Variants in NALF1 observed in about 807,000 individuals in gnomAD.
NALF1 encodes NALCN channel auxiliary factor 1.
Under a neutral mutation model 48.4 loss-of-function variants are expected in NALF1, and 3 were observed. The observed-to-expected ratio is 0.06, with a 90% CI of 0.03 to 0.16. The LOEUF is 0.16. NALF1 is among the 10% of genes least tolerant of loss of function. NALF1 has a pLI of 1.00. For synonymous variants in NALF1, 262 were observed against 245.7 expected (o/e 1.07, Z -0.62); for missense variants, 526 against 571.5 (o/e 0.92, Z 0.81).
intron 1 of NALF1, among the ~76,000 whole-genome samples, chr13:107,695,842 A>G (rs1881687770): frequency 6.6e-6 from 1 of 152,108 alleles, no homozygotes; most frequent in African/African-American, 2.4e-5. Flanking sequence ...ATTTTGTCCA[A>G]TGAATTAGTA....
intron 1 of NALF1, among the ~76,000 whole-genome samples, chr13:107,340,444 C>CTT (rs1207861115): frequency 2.2e-5 from 3 of 134,324 alleles, no homozygotes; most frequent in African/African-American, 8.0e-5. Flanking sequence ...CCTGACCTTT[C>CTT]TCTTTCTTTC....
intron 1 of NALF1, among the ~76,000 whole-genome samples, chr13:107,282,745 C>T (rs1881413908): frequency 6.6e-6 from 1 of 152,186 alleles, no homozygotes; most frequent in Non-Finnish European, 1.5e-5. Flanking sequence ...GAGTGATCGA[C>T]CTCGGAAGTG....
chr13:107,602,762 T>C (rs929403000), intron 1 of NALF1, among the ~76,000 whole-genome samples: 1 of 152,216 alleles, frequency 6.6e-6, no homozygotes, highest in Non-Finnish European at 1.5e-5. Flanking sequence ...TTTGCTAGTT[T>C]TCATATGGAT....
chr13:107,850,733 T>A (rs530220773), intron 1 of NALF1, among the ~76,000 whole-genome samples: 1 of 152,092 alleles, frequency 6.6e-6, no homozygotes, highest in Admixed American at 6.5e-5. Context: ...TGAAACTCCA[T>A]CTCTACTAAA....
intron 1 of NALF1, among the ~76,000 whole-genome samples, chr13:107,278,220 C>T (rs537220536): frequency 5.3e-5 from 8 of 152,258 alleles, no homozygotes; most frequent in African/African-American, 1.9e-4. Context: ...GCTTTTCTAG[C>T]CCCATTCGTA....
intron 1 of NALF1, among the ~76,000 whole-genome samples, chr13:107,266,689 C>T (rs948710545): frequency 6.6e-6 from 1 of 152,116 alleles, no homozygotes; most frequent in African/African-American, 2.4e-5. Context: ...CAGAGGTTGA[C>T]CAAAGTCCCA....
At chr13:107,559,389 A>G (rs1877578458) in intron 1 of NALF1, among the ~76,000 whole-genome samples, 1 of 152,226 alleles carries the variant, frequency 6.6e-6, no homozygotes, top group Non-Finnish European at 1.5e-5. Flanking sequence ...GTAGACTACA[A>G]TGTTAGAATA....
chr13:107,729,024 A>G (rs1473736702), intron 1 of NALF1, among the ~76,000 whole-genome samples: 2 of 152,222 alleles, frequency 1.3e-5, no homozygotes, highest in Non-Finnish European at 2.9e-5. Flanking sequence ...GGCAATTTAA[A>G]TAACTTTTTA....
At position 107,289,689 on chromosome 13, in the gene NALF1, C is replaced by T. The variant is rs538711525; in HGVS notation, c.916-78934G>A. 2.0e-5 allele frequency among the ~76,000 whole-genome samples: 3 copies of T among 152,100 alleles called. 1 individual carries two copies. The highest frequency in any genetic ancestry group is 7.2e-5 in the African/African-American group (3 of 41,400). On this transcript the variant is annotated intron_variant, in intron 1 of 2. Coordinates refer to ENST00000375915, the MANE Select transcript of NALF1 (RefSeq NM_001080396.3). ...CATCTGAGTGTACACATGAAATCCA[C>T]GAGTCTCCATCTGCAGTCATCCAGC...
intron 1 of NALF1, among the ~76,000 whole-genome samples, chr13:107,404,931 G>A (rs1462896826): frequency 6.6e-6 from 1 of 152,078 alleles, no homozygotes; most frequent in East Asian, 1.9e-4. Flanking sequence ...GTGTGCCTAT[G>A]ACAGTAAAGT....
At chr13:107,377,413 G>A (rs577336251) in intron 1 of NALF1, among the ~76,000 whole-genome samples, 19 of 152,262 alleles carry the variant, frequency 1.2e-4, no homozygotes, top group African/African-American at 4.1e-4. Context: ...TAAAGCAGGA[G>A]GATCATGGAG....
intron 1 of NALF1, among the ~76,000 whole-genome samples, chr13:107,616,363 T>C (rs1335282158): frequency 6.6e-6 from 1 of 152,218 alleles, no homozygotes; most frequent in Non-Finnish European, 1.5e-5. Context: ...TCCCATCACA[T>C]TGCATAATAA....
chr13:107,599,148 C>G (rs919159624), intron 1 of NALF1, among the ~76,000 whole-genome samples: 1 of 152,142 alleles, frequency 6.6e-6, no homozygotes, highest in Non-Finnish European at 1.5e-5. Flanking sequence ...GAAACCATCT[C>G]TAGGGATGTG....
chr13:107,171,633 T>C (rs1247906758), intron 2 of NALF1, among the ~76,000 whole-genome samples: 2 of 152,230 alleles, frequency 1.3e-5, no homozygotes, highest in Non-Finnish European at 2.9e-5. Context: ...AGATGCATAT[T>C]TTAAAACTTT....
chr13:107,642,876 T>C (rs1289237931), intron 1 of NALF1, among the ~76,000 whole-genome samples: 2 of 152,212 alleles, frequency 1.3e-5, no homozygotes, highest in African/African-American at 4.8e-5. Context: ...CTGGCTATTG[T>C]GTTCTGCTCT....
At chr13:107,796,673 T>G (rs1878434053) in intron 1 of NALF1, among the ~76,000 whole-genome samples, 1 of 152,138 alleles carries the variant, frequency 6.6e-6, no homozygotes, top group Admixed American at 6.5e-5. Flanking sequence ...AGGGTGGTCC[T>G]TCCTCCTTCA....
In NALF1 at chr13:107,170,704, T is replaced by C. The variant is rs1258683570; in HGVS notation, c.1170A>G (p.Lys390=). 3 of 1,614,054 alleles carry C rather than the reference T, an allele frequency of 1.9e-6. No individual in the cohort carries two copies. Among genetic ancestry groups the C allele is most frequent in the Non-Finnish European group, 1.7e-6 (2 of 1,180,024 alleles). ...RREEKSNNPS[K]GTVEKSGSCH... ...AGGAGCCACTTTTCTCTACGGTCCC[T>C]TTGGATGGGTTATTTGATTTTTCTT... The change falls in exon 3 of 3, where the codon AAA becomes AAG. Residue 390 remains lysine (K), a synonymous_variant. Coordinates refer to ENST00000375915, the MANE Select transcript of NALF1 (RefSeq NM_001080396.3).
intron 1 of NALF1, among the ~76,000 whole-genome samples, chr13:107,389,063 C>T (rs1883578044): frequency 2.0e-5 from 3 of 152,190 alleles, no homozygotes; most frequent in South Asian, 2.1e-4. Flanking sequence ...GTCCACCTTC[C>T]GGTGGTACCT....
At chr13:107,247,158 A>G (rs1371852773) in intron 1 of NALF1, among the ~76,000 whole-genome samples, 1 of 152,206 alleles carries the variant, frequency 6.6e-6, no homozygotes, top group African/African-American at 2.4e-5. Context: ...ATAGATGGAA[A>G]TGCAACAGTG....
Sources: gnomAD v4.1 joint callset for allele counts (sites outside exome capture counted in the v4.1 genomes callset) on GRCh38, gnomAD v4.1.1 for gene constraint, MANE v1.5 for transcripts, NCBI Gene and HGNC (gene_info 2026-07-23, HGNC 2026-07-21) for gene names.